LCOR: variants seen among roughly 807,000 people sequenced by gnomAD.
LCOR encodes the protein ligand dependent nuclear receptor corepressor.
In LCOR, 14 loss-of-function variants were observed where a neutral mutation model predicts 64.4. That is an observed-to-expected ratio of 0.22 (90% confidence interval 0.14 to 0.34). The LOEUF is 0.34. LCOR is among the 10% of genes least tolerant of loss of function. The pLI is 1.00. For missense variants in LCOR, 1,686 were observed against 1,765.3 expected (o/e 0.96, Z 0.80); for synonymous variants, 643 against 642.5 (o/e 1.00, Z -0.01).
At chr10:96,920,655 T>TACATTC (rs1847051530) in intron 4 of LCOR, among the ~76,000 whole-genome samples, 3 of 134,460 alleles carry the variant, frequency 2.2e-5, no homozygotes, top group Non-Finnish European at 4.6e-5. Context: ...TATATATGTG[T>TACATTC]ATATATGTAT....
chr10:96,840,140 T>C lies in LCOR; in HGVS notation c.-330+6661T>C, dbSNP rs920456822. Among the ~76,000 whole-genome samples the C allele has an allele frequency of 3.9e-5, 6 of 152,376 alleles. 1 individual carries two copies. The highest frequency in any genetic ancestry group is 1.9e-4 in the East Asian group (1 of 5,194). ...CTTAAGGATGAAACTAAGTATCTTA[T>C]GGGGTAGATGGCCGAATTTAAGAAT... On this transcript the variant is annotated intron_variant, in intron 2 of 7. Transcript: ENST00000421806.
chr10:96,907,086 G>A (rs1846742134), intron 2 of LCOR, among the ~76,000 whole-genome samples, 179 bp from the exon 3 acceptor site: 1 of 152,110 alleles, frequency 6.6e-6, no homozygotes, highest in African/African-American at 2.4e-5. Context: ...ATCATTGACA[G>A]AAATGCAAAT....
chr10:96,877,879 G>C (rs1382959734), intron 2 of LCOR, among the ~76,000 whole-genome samples: 4 of 152,060 alleles, frequency 2.6e-5, no homozygotes, highest in African/African-American at 9.7e-5. Context: ...CCAAAGTGTT[G>C]GGATTACAGG....
chr10:96,907,654 T>A lies in LCOR; in HGVS notation c.-263-14T>A. On this transcript the variant is annotated splice_polypyrimidine_tract_variant and intron_variant, in intron 3 of 7. Coordinates refer to ENST00000421806, the MANE Select transcript of LCOR (RefSeq NM_001346516.2). ...TTCTCTTTTATGACTATTAATTTGTTACTATTTTTGCAGACTGTGAACCTG... is the reference window on the plus strand; with the variant it reads ...TTCTCTTTTATGACTATTAATTTGTAACTATTTTTGCAGACTGTGAACCTG... 1.1e-6 allele frequency: 1 copy of A among 930,302 alleles called. No individual in the cohort carries two copies. Among genetic ancestry groups the A allele is most frequent in the Non-Finnish European group, 1.3e-6 (1 of 779,330 alleles). 57.6% of individuals were successfully genotyped at this position (930,302 alleles called of 1,614,324 possible). A position where few individuals can be genotyped will look rare whatever the true frequency, so the allele number is the denominator to read the frequency against.
intron 2 of LCOR, among the ~76,000 whole-genome samples, chr10:96,870,843 A>G (rs1191316483): frequency 6.6e-6 from 1 of 152,208 alleles, no homozygotes; most frequent in Non-Finnish European, 1.5e-5. Flanking sequence ...CTAGAGATGT[A>G]CAAAAGCTTT....
chr10:96,949,345 T>C (rs899705652), intron 6 of LCOR, 50 bp downstream of exon 6: 14 of 1,531,086 alleles, frequency 9.1e-6, no homozygotes, highest in African/African-American at 1.4e-5. Context: ...TACTTTACTT[T>C]GGGGAGAAAA....
chr10:96,833,268 C>T, intron 1 of LCOR, 138 bp from the exon 2 acceptor site: 1 of 955,686 alleles, frequency 1.0e-6, no homozygotes, highest in South Asian at 4.8e-5. Context: ...CGCCCCCCGC[C>T]TCCCGGACCT....
At chr10:96,935,494 A>G (rs567187012) in intron 4 of LCOR, among the ~76,000 whole-genome samples, 1 of 152,218 alleles carries the variant, frequency 6.6e-6, no homozygotes, top group South Asian at 2.1e-4. Context: ...TGTCATACAA[A>G]CTTTTTTATT....
Position 96,995,199 on chromosome 10 carries a change from G to A in LCOR, c.*10065G>A, listed in dbSNP as rs949404678. ...TTAAAGGTCTTTCTGGTTCCTCCCA[G>A]TGTTGTCATTGCTGAGGTCGATCTC... On this transcript the variant is annotated 3_prime_UTR_variant, in exon 8 of 8. Transcript: ENST00000421806. The surrounding 1 kb of genome is among the most constrained non-coding windows in gnomAD (Gnocchi z 4.2). 2.0e-5 allele frequency: 3 copies of A among 152,254 alleles called. No homozygotes were observed. Among genetic ancestry groups the A allele is most frequent in the African/African-American group, 7.2e-5 (3 of 41,460 alleles). 9.4% of individuals were successfully genotyped at this position (152,254 alleles called of 1,614,324 possible).
At chr10:96,898,389 G>A (rs1339129428) in intron 2 of LCOR, among the ~76,000 whole-genome samples, 1 of 152,164 alleles carries the variant, frequency 6.6e-6, no homozygotes, top group Non-Finnish European at 1.5e-5. Context: ...AGGAGAGACT[G>A]AAAAGATAAT....
intron 2 of LCOR, among the ~76,000 whole-genome samples, chr10:96,894,519 G>C (rs1462088996): frequency 6.6e-6 from 1 of 152,158 alleles, no homozygotes; most frequent in Non-Finnish European, 1.5e-5. Context: ...TTGAAAGCCA[G>C]ACTAAGCAGT....
intron 2 of LCOR, among the ~76,000 whole-genome samples, chr10:96,864,868 C>T (rs918969369): frequency 3.9e-5 from 6 of 152,164 alleles, no homozygotes; most frequent in African/African-American, 1.4e-4. Context: ...TGTGTAAGTA[C>T]ACCCTATGAT....
In LCOR at chr10:96,984,335, A is replaced by G. The variant is rs559862086; in HGVS notation, c.3875A>G (p.Asp1292Gly). The G allele has an allele frequency of 4.1e-4, 669 of 1,614,154 alleles. 4 individuals are homozygous for G. The South Asian group carries it at 7.0e-3, about 17-fold the overall frequency. Residue 1292 changes from aspartate to glycine, a missense_variant, in exon 8 of 8, where the codon GAT becomes GGT. Asp to Gly is a moderately conservative substitution (Grantham distance 94). Transcript: ENST00000421806. The part of the protein sequence containing the change: ...SEDSIEEVKE[D>G]RNSHPPANLP... ...GACAGCATAGAGGAAGTCAAGGAAG[A>G]TAGAAACAGTCATCCTCCAGCAAAC...
chr10:96,927,770 A>C (rs1847193482), intron 4 of LCOR, among the ~76,000 whole-genome samples: 1 of 152,200 alleles, frequency 6.6e-6, no homozygotes, highest in Admixed American at 6.5e-5. Context: ...TTGACCATAT[A>C]CATGTTGGTA....
At chr10:96,879,966 A>G (rs1846234634) in intron 2 of LCOR, among the ~76,000 whole-genome samples, 1 of 152,128 alleles carries the variant, frequency 6.6e-6, no homozygotes, top group Non-Finnish European at 1.5e-5. Flanking sequence ...CCCGGCCGAT[A>G]CTGTATCTTT....
intron 7 of LCOR, chr10:96,959,975 C>A (rs984371987): frequency 6.6e-6 from 1 of 152,308 alleles, no homozygotes; most frequent in East Asian, 1.9e-4. Context: ...ACCATTACCT[C>A]AACCAATTGG....
At chr10:96,838,630 A>T (rs1455497373) in intron 2 of LCOR, among the ~76,000 whole-genome samples, 1 of 152,220 alleles carries the variant, frequency 6.6e-6, no homozygotes, top group Non-Finnish European at 1.5e-5. Flanking sequence ...TGTTTTTAAG[A>T]TTCATTCATG....
chr10:96,880,651 G>T (rs1272468473), intron 2 of LCOR, among the ~76,000 whole-genome samples: 1 of 152,162 alleles, frequency 6.6e-6, no homozygotes, highest in African/African-American at 2.4e-5. Flanking sequence ...TCCTACCTCA[G>T]TCTCCCAAAT....
At chr10:96,936,202 T>C (rs145541876) in intron 4 of LCOR, among the ~76,000 whole-genome samples, 4 of 152,332 alleles carry the variant, frequency 2.6e-5, no homozygotes, top group Admixed American at 2.6e-4. Flanking sequence ...GCAAAGGAAA[T>C]TAGAAACTAG....
Sources: gnomAD v4.1 joint callset for allele counts (sites outside exome capture counted in the v4.1 genomes callset) on GRCh38, gnomAD v4.1.1 for gene constraint, Gnocchi (gnomAD v3.1) non-coding constraint, MANE v1.5 for transcripts, NCBI Gene and HGNC (gene_info 2026-07-23, HGNC 2026-07-21) for gene names.